The following NLK variants were observed in gnomAD, a reference collection of about 807,000 sequenced individuals.
NLK encodes serine/threonine-protein kinase NLK.
NLK carries 11 observed loss-of-function variants against 59.0 expected under a neutral mutation model. The observed-to-expected ratio is 0.19, with a 90% CI of 0.12 to 0.31. NLK has a LOEUF of 0.31. Ranked by LOEUF, NLK falls within the 10% of genes least tolerant of loss-of-function variation. The pLI is 1.00. For missense variants in NLK, 410 were observed against 661.1 expected (o/e 0.62, Z 4.16); for synonymous variants, 235 against 235.9 (o/e 1.00, Z 0.03).
chr17:28,105,921 A>G (rs1905064474), intron 1 of NLK, among the ~76,000 whole-genome samples: 1 of 152,200 alleles, frequency 6.6e-6, no homozygotes, highest in African/African-American at 2.4e-5. Flanking sequence ...CATATAAAGA[A>G]AATTTCTGTT....
chr17:28,093,517 T>C (rs1165192776), intron 1 of NLK, among the ~76,000 whole-genome samples: 1 of 152,158 alleles, frequency 6.6e-6, no homozygotes. Context: ...AAGGGTTCCT[T>C]GGAAGGTATG....
intron 3 of NLK, among the ~76,000 whole-genome samples, chr17:28,145,949 A>C (rs1395786603): frequency 1.3e-5 from 2 of 152,182 alleles, no homozygotes; most frequent in African/African-American, 4.8e-5. Flanking sequence ...CAGGTGATCC[A>C]CCCACCTCAG....
At chr17:28,198,513 T>C (rs1597732966), downstream of NLK, among the ~76,000 whole-genome samples, 1 of 152,162 alleles carries the variant, frequency 6.6e-6, no homozygotes, top group South Asian at 2.1e-4. Context: ...TTAGTAAAGA[T>C]AGGGTTCCAC....
At chr17:28,056,362 G>A (rs1909443241) in intron 1 of NLK, among the ~76,000 whole-genome samples, 1 of 152,198 alleles carries the variant, frequency 6.6e-6, no homozygotes, top group Non-Finnish European at 1.5e-5. Flanking sequence ...ACCCAGAGAA[G>A]CTAAGAGATT....
chr17:28,044,035 G>A lies in NLK; in HGVS notation c.458+704G>A, dbSNP rs147254448. On this transcript the variant is annotated intron_variant, in intron 1 of 10. Transcript: ENST00000407008. Reference sequence around the variant, plus strand: ...TTTAGTGTCATTTAGTGCCTCTTAAGTTGCTGTTATCTGTTGGTCAGTTGC... The same window carrying A: ...TTTAGTGTCATTTAGTGCCTCTTAAATTGCTGTTATCTGTTGGTCAGTTGC... Among the ~76,000 whole-genome samples, 122 of 152,308 alleles carry A rather than the reference G, an allele frequency of 8.0e-4. 1 individual carries two copies. The highest frequency in any genetic ancestry group is 2.8e-3 in the African/African-American group (115 of 41,566).
At chr17:28,157,743 A>G (rs1907834373) in intron 3 of NLK, among the ~76,000 whole-genome samples, 1 of 152,340 alleles carries the variant, frequency 6.6e-6, no homozygotes, top group African/African-American at 2.4e-5. Context: ...CTTCACTACT[A>G]TGTAACCGTA....
chr17:28,168,631 T>C lies in NLK; in HGVS notation c.1021T>C (p.Phe341Leu). The change falls in exon 6 of 11, where the codon TTT becomes CTT. Residue 341 changes from phenylalanine to leucine, a missense_variant. By Grantham distance (22) the Phe-to-Leu change is conservative. Coordinates refer to ENST00000407008, the MANE Select transcript of NLK (RefSeq NM_016231.5). ...FAELLGRRIL[F>L]QAQSPIQQLD... ...AGAACTACTAGGACGAAGAATATTG[T>C]TTCAGGCACAGAGTCCCATTCAGCA... is the stretch of plus-strand genomic sequence containing the variant. The C allele has an allele frequency of 6.2e-7, 1 of 1,613,836 alleles. No individual in the cohort carries two copies. The highest frequency in any genetic ancestry group is 8.5e-7 in the Non-Finnish European group (1 of 1,179,748).
chr17:28,153,466 C>G (rs774126982), intron 3 of NLK, among the ~76,000 whole-genome samples: 1 of 152,116 alleles, frequency 6.6e-6, no homozygotes, highest in Non-Finnish European at 1.5e-5. Flanking sequence ...TAACTATAAC[C>G]TAACATTGTG....
chr17:28,180,508 T>A (rs569684884), intron 7 of NLK, among the ~76,000 whole-genome samples: 86 of 152,296 alleles, frequency 5.6e-4, no homozygotes, highest in African/African-American at 1.9e-3. Context: ...TGTGTACTGG[T>A]GCAGTTTAAC....
rs532404869 is a variant in NLK, at chr17:28,074,978, A to C, written c.458+31647A>C. Among the ~76,000 whole-genome samples, 8 of 152,320 alleles carry C rather than the reference A, an allele frequency of 5.3e-5. 1 individual carries two copies. The South Asian group carries it at 1.7e-3, about 32-fold the overall frequency. On this transcript the variant is annotated intron_variant, in intron 1 of 10. Transcript: ENST00000407008. The stretch of plus-strand genomic sequence containing the variant: ...AATGTTTTTATAATATGCACTTTTC[A>C]TTTTAACATCTCCAAAATTAGGATG...
intron 3 of NLK, among the ~76,000 whole-genome samples, chr17:28,145,780 A>G (rs1907219446): frequency 2.0e-5 from 3 of 151,902 alleles, no homozygotes; most frequent in Admixed American, 1.3e-4. Context: ...ATCTCAGCTC[A>G]CTGCAGCCTC....
chr17:28,098,888 G>A (rs1260183991), intron 1 of NLK, among the ~76,000 whole-genome samples: 1 of 151,822 alleles, frequency 6.6e-6, no homozygotes, highest in Non-Finnish European at 1.5e-5. Flanking sequence ...CTGCATGTTG[G>A]TCAGGCTGGT....
At chr17:28,194,274 C>T (rs1310913425) in intron 10 of NLK, among the ~76,000 whole-genome samples, 1 of 152,164 alleles carries the variant, frequency 6.6e-6, no homozygotes, top group Non-Finnish European at 1.5e-5. Flanking sequence ...ATCCCAGTAT[C>T]CTATGAGGTA....
At chr17:28,200,875 T>C (rs1333272470), downstream of NLK, among the ~76,000 whole-genome samples, 1 of 152,252 alleles carries the variant, frequency 6.6e-6, no homozygotes, top group African/African-American at 2.4e-5. Flanking sequence ...GCTGTTGACC[T>C]TTCTCTTTGT....
Position 28,100,931 on chromosome 17 carries a change from T to C in NLK, c.459-21672T>C, listed in dbSNP as rs188553426. On this transcript the variant is annotated intron_variant, in intron 1 of 10. Transcript: ENST00000407008. The stretch of plus-strand genomic sequence containing the variant: ...CGATGAATTATTTTTCTTTTAATAA[T>C]AGAAATCTGGCCAACGTTGAAGTTG... Among the ~76,000 whole-genome samples, 137 of 152,288 alleles carry C rather than the reference T, an allele frequency of 9.0e-4. 1 individual carries two copies. Among genetic ancestry groups the C allele is most frequent in the African/African-American group, 3.2e-3 (132 of 41,572 alleles).
rs1202826825 is a variant in NLK at position 28,139,230 on chromosome 17, CAG to C, written c.644+6563_644+6564del. ...TGCCACTGCACTTCAGCCTGGGTGA[CAG>C]AGAGAGACTCCATCTCCCCACCAAA... On this transcript the variant is annotated intron_variant, in intron 3 of 10. Coordinates refer to ENST00000407008, the MANE Select transcript of NLK (RefSeq NM_016231.5). Among the ~76,000 whole-genome samples the C allele has an allele frequency of 5.9e-5, 9 of 152,274 alleles. No individual in the cohort carries two copies. In the South Asian group the frequency reaches 1.0e-3, roughly 18 times the overall value.
At chr17:28,110,028 G>A (rs183124483) in intron 1 of NLK, among the ~76,000 whole-genome samples, 108 of 152,212 alleles carry the variant, frequency 7.1e-4, no homozygotes, top group Non-Finnish European at 1.3e-3. Context: ...ACACCATTGA[G>A]TTTTCTAATC....
At chr17:28,137,941 A>T (rs761009581) in intron 3 of NLK, among the ~76,000 whole-genome samples, 7 of 152,062 alleles carry the variant, frequency 4.6e-5, no homozygotes, top group Non-Finnish European at 1.0e-4. Context: ...AATTTTAAAG[A>T]TTATATATTT....
chr17:28,104,280 C>T (rs765786318), intron 1 of NLK, among the ~76,000 whole-genome samples: 2 of 151,902 alleles, frequency 1.3e-5, no homozygotes, highest in South Asian at 2.1e-4. Context: ...TTTTTGAGAC[C>T]GAGTCTCGCT....
Sources: allele counts gnomAD v4.1 joint callset (sites outside exome capture counted in the v4.1 genomes callset), GRCh38; gene constraint gnomAD v4.1.1; transcripts MANE v1.5; gene names NCBI Gene and HGNC (gene_info 2026-07-23, HGNC 2026-07-21).